FCER1A: variants seen among roughly 807,000 people sequenced by gnomAD.
FCER1A encodes the protein Fc epsilon receptor Ia.
Under a neutral mutation model 23.6 loss-of-function variants are expected in FCER1A, and 24 were observed. The observed-to-expected ratio is 1.02, with a 90% CI of 0.74 to 1.43. The LOEUF (loss-of-function observed/expected upper bound fraction) is 1.43, where lower values mean the gene tolerates loss of function less well. Ranked by LOEUF, FCER1A falls within the 40% of genes most tolerant of loss-of-function variation. FCER1A has a pLI of 0.00. For missense variants in FCER1A, 318 were observed against 294.5 expected (o/e 1.08, Z -0.58); for synonymous variants, 121 against 108.8 (o/e 1.11, Z -0.70).
At position 159,302,427 on chromosome 1, in the gene FCER1A, G is replaced by T; in HGVS notation, c.55+8G>T. The T allele has an allele frequency of 6.3e-7, 1 of 1,591,466 alleles. No individual in the cohort carries two copies. Among genetic ancestry groups the T allele is most frequent in the South Asian group, 1.1e-5 (1 of 90,632 alleles). On this transcript the variant is annotated splice_region_variant and intron_variant, in intron 1 of 4. Transcript: ENST00000693622. ...TAGCCTTACTGTTCTTCGGTAAGTA[G>T]AGATTCAATTACCCCTCCCAGGGAG... is the stretch of plus-strand genomic sequence containing the variant.
chr1:159,286,306 A>G (rs1652014371), upstream of FCER1A, among the ~76,000 whole-genome samples: 2 of 152,092 alleles, frequency 1.3e-5, no homozygotes, highest in South Asian at 2.1e-4. Context: ...ATCAACCTTT[A>G]TCATTTAATT....
At chr1:159,301,120 T>C (rs1261310065), upstream of FCER1A, among the ~76,000 whole-genome samples, 1 of 152,200 alleles carries the variant, frequency 6.6e-6, no homozygotes, top group Non-Finnish European at 1.5e-5. Context: ...ATAGACTTAA[T>C]TCAGCAGTCT....
intron 1 of FCER1A, among the ~76,000 whole-genome samples, chr1:159,291,945 A>T (rs1652162908): frequency 6.6e-6 from 1 of 152,132 alleles, no homozygotes; most frequent in Non-Finnish European, 1.5e-5. Flanking sequence ...GATTCAATGT[A>T]ATTAACGATT....
chr1:159,295,517 T>A (rs188391890), intron 1 of FCER1A, among the ~76,000 whole-genome samples: 1 of 152,194 alleles, frequency 6.6e-6, no homozygotes, highest in South Asian at 2.1e-4. Context: ...TTCCTAATTA[T>A]AATAAACACT....
chr1:159,289,975 AC>A (rs1652106322), intron 1 of FCER1A, among the ~76,000 whole-genome samples: 3 of 152,106 alleles, frequency 2.0e-5, no homozygotes, highest in Admixed American at 2.0e-4. Flanking sequence ...TGGTAGTGTA[AC>A]CTTTTTGCTA....
intron 2 of FCER1A, among the ~76,000 whole-genome samples, chr1:159,303,148 C>T (rs367595306): frequency 2.2e-4 from 34 of 152,198 alleles, no homozygotes; most frequent in Middle Eastern, 6.8e-3. Flanking sequence ...GGCATGATCT[C>T]GCTCAATAAT....
At chr1:159,293,691 A>G (rs1652218921) in intron 1 of FCER1A, among the ~76,000 whole-genome samples, 1 of 151,530 alleles carries the variant, frequency 6.6e-6, no homozygotes, top group African/African-American at 2.4e-5. Context: ...ATGATTTCCA[A>G]TTTCATCCAT....
intron 4 of FCER1A, 59 bp downstream of exon 4, chr1:159,306,304 G>C (rs1352316186): frequency 1.3e-6 from 2 of 1,562,068 alleles, no homozygotes; most frequent in African/African-American, 2.7e-5. Flanking sequence ...GAGAACTTCT[G>C]AGCCTGAGCA....
chr1:159,297,413 C>G (rs1015855760), upstream of FCER1A, among the ~76,000 whole-genome samples: 41 of 152,200 alleles, frequency 2.7e-4, no homozygotes, highest in African/African-American at 6.0e-4. Context: ...AAAGGAGGCT[C>G]TCTCTCTGCT....
At chr1:159,304,925 A>G (rs915331962) in intron 3 of FCER1A, among the ~76,000 whole-genome samples, 7 of 152,224 alleles carry the variant, frequency 4.6e-5, no homozygotes, top group Non-Finnish European at 7.3e-5. Context: ...ATATCTGGGT[A>G]CATTTCCTTA....
rs754073553 is a variant in FCER1A, at chr1:159,294,960, ATGCTAAC to A, written c.-60+5209_-60+5215del. ...AATTCTACCAGCAAACTATGATCAA[ATGCTAAC>A]TTTAATGAGATAGCCCTTGATAATT... On this transcript the variant is annotated intron_variant, in intron 1 of 5. Transcript: ENST00000368115. Among the ~76,000 whole-genome samples, 4 of 152,328 alleles carry A rather than the reference ATGCTAAC, an allele frequency of 2.6e-5. No homozygotes were observed. The East Asian group carries it at 7.7e-4, about 29-fold the overall frequency.
upstream of FCER1A, among the ~76,000 whole-genome samples, chr1:159,289,173 T>C (rs1423579201): frequency 3.9e-5 from 6 of 152,206 alleles, no homozygotes; most frequent in Non-Finnish European, 8.8e-5. Context: ...GACCTCCTGC[T>C]GCTCTTTCTT....
upstream of FCER1A, among the ~76,000 whole-genome samples, chr1:159,285,448 C>T (rs1359927455): frequency 6.6e-6 from 1 of 151,796 alleles, no homozygotes; most frequent in African/African-American, 2.4e-5. Context: ...TCAGGTTCAG[C>T]TTATTAAATT....
upstream of FCER1A, among the ~76,000 whole-genome samples, chr1:159,289,001 C>T (rs759177912): frequency 1.3e-5 from 2 of 152,136 alleles, no homozygotes; most frequent in Non-Finnish European, 2.9e-5. Flanking sequence ...TTTTCCTATA[C>T]TTTAAGACTT....
chr1:159,291,567 A>T (rs1392880032), intron 1 of FCER1A, among the ~76,000 whole-genome samples: 1 of 152,222 alleles, frequency 6.6e-6, no homozygotes, highest in Non-Finnish European at 1.5e-5. Flanking sequence ...AATGAGTGAA[A>T]GCCACTTCTC....
At chr1:159,302,202 C>A (rs1571080413), upstream of FCER1A, 2 of 661,072 alleles carry the variant, frequency 3.0e-6, no homozygotes, top group Non-Finnish European at 5.5e-6. Flanking sequence ...CAGTTGGGCA[C>A]CATCCTGAAT....
rs1652244839 is a variant in FCER1A at position 159,294,493 on chromosome 1, G to T, written c.-60+4740G>T. ...TTCTTAACCCTATTTAAAACAGATT[G>T]TCCTTGTACGTCTATGGAGCAACAT... On this transcript the variant is annotated intron_variant, in intron 1 of 5. Transcript: ENST00000368115. Among the ~76,000 whole-genome samples the T allele has an allele frequency of 1.3e-5, 2 of 152,020 alleles. 1 individual carries two copies. The highest frequency in any genetic ancestry group is 4.1e-4 in the South Asian group (2 of 4,830).
intron 3 of FCER1A, 39 bp from the exon 4 acceptor site, chr1:159,305,949 A>T: frequency 2.5e-6 from 4 of 1,582,750 alleles, no homozygotes; most frequent in Non-Finnish European, 3.5e-6. Flanking sequence ...CTCTCTCTTC[A>T]TTTATTGTTA....
At chr1:159,307,599 A>G (rs1571083198) in intron 4 of FCER1A, 149 bp from the exon 5 acceptor site, 2 of 578,564 alleles carry the variant, frequency 3.5e-6, no homozygotes, top group African/African-American at 3.7e-5. Context: ...TGTTAATCTG[A>G]GTGTTTTCTC....
Sources: gnomAD v4.1 joint callset for allele counts (sites outside exome capture counted in the v4.1 genomes callset) on GRCh38, gnomAD v4.1.1 for gene constraint, MANE v1.5 for transcripts, NCBI Gene and HGNC (gene_info 2026-07-23, HGNC 2026-07-21) for gene names.